The following COPG2 variants were observed in gnomAD, a reference collection of about 807,000 sequenced individuals.
COPG2 encodes coatomer subunit gamma-2.
A neutral mutation model predicts 46.3 loss-of-function variants in COPG2; 37 were observed. That is an observed-to-expected ratio of 0.80 (90% CI 0.61 to 1.05). The LOEUF is 1.05. Among genes scored for constraint, COPG2 ranks in the 50% least tolerant of loss-of-function variants. The pLI is 0.00. For synonymous variants in COPG2, 159 were observed against 129.7 expected (o/e 1.23, Z -1.53); for missense variants, 427 against 387.8 (o/e 1.10, Z -0.85).
At chr7:130,509,324 G>C (rs1554440702) in intron 20 of COPG2, 1 of 506,164 alleles carries the variant, frequency 2.0e-6, no homozygotes, top group South Asian at 1.5e-5. Context: ...GTACATTTTT[G>C]GAAAGTGAAG....
chr7:130,517,131 G>T (rs1351472246), intron 20 of COPG2, among the ~76,000 whole-genome samples: 1 of 152,054 alleles, frequency 6.6e-6, no homozygotes, highest in Non-Finnish European at 1.5e-5. Flanking sequence ...GAAAGTGAAG[G>T]GTTCCTGCTG....
rs1793590575 is a variant in COPG2 at position 130,554,681 on chromosome 7, C to A, written c.1268G>T (p.Ser423Ile). Residue 423 changes from serine to isoleucine, a missense_variant, in exon 14 of 24, where the codon AGC (serine) becomes ATC (isoleucine). Ser to Ile is a moderately radical substitution (Grantham distance 142, BLOSUM62 -2). Coordinates refer to ENST00000425248, the MANE Select transcript of COPG2 (RefSeq NM_012133.6). ...YKRAIVDCII[S>I]IVEENPESKE... The stretch of plus-strand genomic sequence containing the variant: ...ACTCTCAGGGTTCTCTTCCACAATG[C>A]TGATTATACAGTCCACAATGGCCCG... 1.0e-5 allele frequency: 4 copies of A among 398,562 alleles called. No individual in the cohort carries two copies. The highest frequency in any genetic ancestry group is 1.8e-5 in the Non-Finnish European group (4 of 226,064). 24.7% of individuals were successfully genotyped at this position (398,562 alleles called of 1,614,324 possible). A position where few individuals can be genotyped will look rare whatever the true frequency, so the allele number is the denominator to read the frequency against.
At chr7:130,544,542 T>A (rs1793396300) in intron 20 of COPG2, among the ~76,000 whole-genome samples, 1 of 152,166 alleles carries the variant, frequency 6.6e-6, no homozygotes, top group Non-Finnish European at 1.5e-5. Context: ...AGAAATATGA[T>A]GCAATAAAAC....
At chr7:130,668,336 C>A (rs1274990054) in intron 1 of COPG2, among the ~76,000 whole-genome samples, 1 of 151,166 alleles carries the variant, frequency 6.6e-6, no homozygotes. Context: ...GCCGGAGGCC[C>A]GCGCGCAGGG....
At chr7:130,547,403 T>TAAAAA (rs1793462354) in intron 20 of COPG2, 5 of 326,254 alleles carry the variant, frequency 1.5e-5, no homozygotes. Flanking sequence ...AGTTCCTTTT[T>TAAAAA]GTGCTACTGC....
chr7:130,509,188 C>A, intron 20 of COPG2: 1 of 459,406 alleles, frequency 2.2e-6, no homozygotes, highest in Non-Finnish European at 4.4e-6. Context: ...CAACCTTCAG[C>A]CTAAAGTGAG....
chr7:130,597,049 C>T (rs145970746), intron 9 of COPG2, among the ~76,000 whole-genome samples: 6 of 152,214 alleles, frequency 3.9e-5, no homozygotes, highest in African/African-American at 9.6e-5. Flanking sequence ...TTGACCCTCG[C>T]GGGAACTGCT....
intron 5 of COPG2, among the ~76,000 whole-genome samples, chr7:130,629,151 C>T (rs549766570): frequency 2.6e-4 from 40 of 152,046 alleles, no homozygotes; most frequent in Non-Finnish European, 4.6e-4. Context: ...CTACTATAAT[C>T]TGTTTCTATT....
intron 20 of COPG2, among the ~76,000 whole-genome samples, chr7:130,531,760 G>A (rs1470364714): frequency 6.6e-6 from 1 of 151,182 alleles, no homozygotes; most frequent in Non-Finnish European, 1.5e-5. Context: ...CCTGAAACTG[G>A]AGAGACTGAA....
chr7:130,634,299 C>A (rs1213915864), intron 5 of COPG2, among the ~76,000 whole-genome samples: 1 of 152,044 alleles, frequency 6.6e-6, no homozygotes, highest in Non-Finnish European at 1.5e-5. Context: ...TGATTCTACA[C>A]ATTACTTTGG....
chr7:130,547,792 C>G lies in COPG2; in HGVS notation c.2031G>C (p.Gln677His). ...NDQLLEKVTV[Q>H]MEPSDSYEVL... The stretch of plus-strand genomic sequence containing the variant: ...CTTCATAGGAATCTGATGGCTCCAT[C>G]TGCACTGTCACTTTTTCCAGCAGCT... The change falls in exon 20 of 24, where the codon CAG (glutamine) becomes CAC (histidine). Residue 677 changes from glutamine to histidine, a missense_variant. Gln to His is a conservative substitution (Grantham distance 24). Transcript: ENST00000425248. 2.5e-6 allele frequency: 1 copy of G among 399,108 alleles called. No individual in the cohort carries two copies. The highest frequency in any genetic ancestry group is 3.6e-5 in the East Asian group (1 of 28,112). 24.7% of individuals were successfully genotyped at this position (399,108 alleles called of 1,614,324 possible). A position where few individuals can be genotyped will look rare whatever the true frequency, so the allele number is the denominator to read the frequency against.
intron 20 of COPG2, among the ~76,000 whole-genome samples, chr7:130,536,446 G>A (rs1799880478): frequency 6.6e-6 from 1 of 152,262 alleles, no homozygotes; most frequent in Admixed American, 6.5e-5. Flanking sequence ...TCAGAGGGGT[G>A]AGCAGTGTTC....
At chr7:130,571,322 C>T (rs1330906398) in intron 9 of COPG2, among the ~76,000 whole-genome samples, 4 of 152,116 alleles carry the variant, frequency 2.6e-5, no homozygotes, top group African/African-American at 7.2e-5. Flanking sequence ...TATCCAGAAA[C>T]TACAAGGACC....
At chr7:130,513,308 A>AAAATATATATAT (rs1236511164) in intron 20 of COPG2, among the ~76,000 whole-genome samples, 2 of 55,674 alleles carry the variant, frequency 3.6e-5, no homozygotes, top group African/African-American at 9.5e-5. Context: ...AAAAAAAAAA[A>AAAATATATATAT]ATATATATAT....
In COPG2 at chr7:130,506,500, A is replaced by T. The variant is rs1799488123; in HGVS notation, c.*176T>A. 2.3e-6 allele frequency: 1 copy of T among 427,740 alleles called. No homozygotes were observed. The allele number at this position is 427,740 out of a possible 1,614,324, so 26.5% of individuals were successfully genotyped here. A position where few individuals can be genotyped will look rare whatever the true frequency, so the allele number is the denominator to read the frequency against. ...AGAATAAAAAGAAAAAAAAAAAAAAACAACCCATGCGCAAAGATAGACATT... is the reference window on the plus strand; with the variant it reads ...AGAATAAAAAGAAAAAAAAAAAAAATCAACCCATGCGCAAAGATAGACATT... On this transcript the variant is annotated 3_prime_UTR_variant, in exon 24 of 24. Coordinates refer to ENST00000425248, the MANE Select transcript of COPG2 (RefSeq NM_012133.6).
At chr7:130,601,320 C>A (rs1442261228) in intron 9 of COPG2, among the ~76,000 whole-genome samples, 2 of 152,156 alleles carry the variant, frequency 1.3e-5, no homozygotes, top group African/African-American at 4.8e-5. Context: ...TGGGTATATA[C>A]CCAAAGGATT....
intron 20 of COPG2, among the ~76,000 whole-genome samples, chr7:130,529,412 T>C (rs1231316043): frequency 3.3e-5 from 5 of 151,710 alleles, no homozygotes; most frequent in Non-Finnish European, 4.4e-5. Context: ...TCAAGATGGG[T>C]CCAGGAAGTT....
At chr7:130,515,705 A>C (rs1175002646) in intron 20 of COPG2, among the ~76,000 whole-genome samples, 1 of 152,086 alleles carries the variant, frequency 6.6e-6, no homozygotes, top group Non-Finnish European at 1.5e-5. Context: ...AAAGGAGAGG[A>C]GAGATGGAGA....
intron 20 of COPG2, among the ~76,000 whole-genome samples, chr7:130,532,209 G>A (rs1799833121): frequency 6.6e-6 from 1 of 152,230 alleles, no homozygotes; most frequent in South Asian, 2.1e-4. Context: ...CAAACAAATG[G>A]ATGTAGCTGC....
Sources: gnomAD v4.1 joint callset for allele counts (sites outside exome capture counted in the v4.1 genomes callset) on GRCh38, gnomAD v4.1.1 for gene constraint, MANE v1.5 for transcripts, NCBI Gene and HGNC (gene_info 2026-07-23, HGNC 2026-07-21) for gene names.